Variants in CYRIA observed in about 807,000 individuals in gnomAD.
The protein encoded by CYRIA is CYFIP-related Rac1 interactor A.
CYRIA carries 15 observed loss-of-function variants against 43.9 expected under a neutral mutation model. That is an observed-to-expected ratio of 0.34 (90% CI 0.23 to 0.53). CYRIA has a LOEUF of 0.53. Among genes scored for constraint, CYRIA ranks in the 20% least tolerant of loss-of-function variants. The pLI is 0.94. For missense variants in CYRIA, 236 were observed against 394.2 expected (o/e 0.60, Z 3.40); for synonymous variants, 117 against 136.0 (o/e 0.86, Z 0.97).
Position 16,648,549 on chromosome 2 carries a change from T to A in CYRIA, c.-167+17231A>T, listed in dbSNP as rs188776698. 1.7e-3 allele frequency among the ~76,000 whole-genome samples: 260 copies of A among 152,326 alleles called. 2 individuals carry two copies. The highest frequency in any genetic ancestry group is 5.9e-3 in the African/African-American group (244 of 41,566). ...ATTTCAGCAAAAGGCTTTGTGGATG[T>A]GATTACACTTGAATTTAAGAAATAA... On this transcript the variant is annotated intron_variant, in intron 1 of 11. Transcript: ENST00000381323.
intron 3 of CYRIA, 109 bp downstream of exon 3, chr2:16,587,941 C>T (rs1667792140): frequency 4.4e-6 from 3 of 683,282 alleles, no homozygotes; most frequent in Non-Finnish European, 7.5e-6. Context: ...AATACAGTGA[C>T]CTTTGGATTT....
chr2:16,662,529 C>T (rs1468163039), intron 1 of CYRIA, among the ~76,000 whole-genome samples: 1 of 152,208 alleles, frequency 6.6e-6, no homozygotes, highest in Admixed American at 6.5e-5. Context: ...TCTTTCTAAT[C>T]ACCATGATGT....
intron 1 of CYRIA, among the ~76,000 whole-genome samples, chr2:16,629,034 G>C (rs1669245946): frequency 6.6e-6 from 1 of 152,180 alleles, no homozygotes; most frequent in South Asian, 2.1e-4. Context: ...CTGATAAGCA[G>C]CCTGTCCCTC....
At chr2:16,628,210 G>T (rs1447361767) in intron 1 of CYRIA, among the ~76,000 whole-genome samples, 1 of 152,162 alleles carries the variant, frequency 6.6e-6, no homozygotes, top group Non-Finnish European at 1.5e-5. Context: ...GATTTGTCAG[G>T]AAATATTCTA....
intron 1 of CYRIA, among the ~76,000 whole-genome samples, chr2:16,631,329 C>G (rs376179629): frequency 5.3e-5 from 8 of 152,332 alleles, no homozygotes; most frequent in Admixed American, 3.3e-4. Flanking sequence ...TAAACTTCAG[C>G]TTCTCTGAGG....
chr2:16,652,877 C>T (rs1315291528), intron 1 of CYRIA, among the ~76,000 whole-genome samples: 5 of 152,192 alleles, frequency 3.3e-5, no homozygotes, highest in Admixed American at 3.3e-4. Flanking sequence ...CTTTCCTTAG[C>T]AATCCTGCCC....
At chr2:16,593,045 T>C (rs1011093542) in intron 2 of CYRIA, among the ~76,000 whole-genome samples, 2 of 152,206 alleles carry the variant, frequency 1.3e-5, no homozygotes, top group African/African-American at 4.8e-5. Context: ...TAGTATCTCC[T>C]GCATGGAACT....
chr2:16,632,474 T>C (rs1669355322), intron 1 of CYRIA, among the ~76,000 whole-genome samples: 1 of 152,164 alleles, frequency 6.6e-6, no homozygotes, highest in African/African-American at 2.4e-5. Context: ...TGAGCCTCAA[T>C]TTCCTCATGT....
intron 2 of CYRIA, among the ~76,000 whole-genome samples, chr2:16,601,931 G>T (rs1433291424): frequency 6.6e-6 from 1 of 152,246 alleles, no homozygotes. Flanking sequence ...AAGGAAGCAG[G>T]CCCAGGGAAC....
chr2:16,649,317 A>T (rs1239202693), intron 1 of CYRIA, among the ~76,000 whole-genome samples: 1 of 152,186 alleles, frequency 6.6e-6, no homozygotes, highest in African/African-American at 2.4e-5. Context: ...ATTACAGTAC[A>T]GAGGAAGGAT....
intron 1 of CYRIA, among the ~76,000 whole-genome samples, chr2:16,629,222 C>G (rs891333146): frequency 2.0e-5 from 3 of 152,228 alleles, no homozygotes; most frequent in Admixed American, 6.5e-5. Flanking sequence ...AAGGCCTGGC[C>G]TTTTTCTGCT....
intron 1 of CYRIA, among the ~76,000 whole-genome samples, chr2:16,636,104 A>T (rs1669489615): frequency 6.6e-6 from 1 of 152,116 alleles, no homozygotes; most frequent in African/African-American, 2.4e-5. Flanking sequence ...GTCTGGAGTC[A>T]GCGAAAGTAG....
rs189023475 is a variant in CYRIA, at chr2:16,582,402, A to G, written c.70+5648T>C. ...ATTTGCCCATTTAAAGTGCATAATT[A>G]AACAGTTTAAAATATATTCTTAGTG... On this transcript the variant is annotated intron_variant, in intron 3 of 11. Transcript: ENST00000381323. Among the ~76,000 whole-genome samples the G allele has an allele frequency of 3.4e-4, 52 of 152,342 alleles. 3 individuals carry two copies. The highest frequency in any genetic ancestry group is 1.2e-3 in the African/African-American group (50 of 41,582).
chr2:16,600,924 A>C (rs1668183737), intron 2 of CYRIA, among the ~76,000 whole-genome samples: 2 of 152,212 alleles, frequency 1.3e-5, no homozygotes, highest in African/African-American at 4.8e-5. Flanking sequence ...TTGACATTGA[A>C]ACTCTGTGAA....
chr2:16,581,256 A>G (rs1363539681), intron 3 of CYRIA, among the ~76,000 whole-genome samples: 6 of 152,250 alleles, frequency 3.9e-5, no homozygotes, highest in African/African-American at 1.2e-4. Context: ...ACCAATACAA[A>G]GACGAACAAC....
chr2:16,612,611 C>T (rs187205302), intron 2 of CYRIA, among the ~76,000 whole-genome samples: 6 of 152,294 alleles, frequency 3.9e-5, no homozygotes, highest in African/African-American at 7.2e-5. Flanking sequence ...GATGTGATGG[C>T]CAGAGACTTA....
At chr2:16,561,105 T>G in intron 8 of CYRIA, 36 bp from the exon 9 acceptor site, 1 of 1,610,906 alleles carries the variant, frequency 6.2e-7, no homozygotes, top group Non-Finnish European at 8.5e-7. Flanking sequence ...TAGTCCTGCT[T>G]GCAGCTCTTG....
At chr2:16,575,762 A>G (rs1667317226) in intron 3 of CYRIA, among the ~76,000 whole-genome samples, 2 of 152,172 alleles carry the variant, frequency 1.3e-5, no homozygotes, top group Middle Eastern at 3.4e-3. Flanking sequence ...AGGCTGACGC[A>G]GGAGAATGGC....
intron 3 of CYRIA, among the ~76,000 whole-genome samples, chr2:16,583,662 C>T (rs943365263): frequency 6.6e-6 from 1 of 152,158 alleles, no homozygotes; most frequent in Non-Finnish European, 1.5e-5. Flanking sequence ...CATACTTCTT[C>T]CTGTAAACTG....
Sources: allele counts gnomAD v4.1 joint callset (sites outside exome capture counted in the v4.1 genomes callset), GRCh38; gene constraint gnomAD v4.1.1; transcripts MANE v1.5; gene names NCBI Gene and HGNC (gene_info 2026-07-23, HGNC 2026-07-21).